The following PCDHA2 variants were observed in gnomAD, a reference collection of about 807,000 sequenced individuals.
The protein encoded by PCDHA2 is protocadherin alpha-2.
A neutral mutation model predicts 66.0 loss-of-function variants in PCDHA2; 58 were observed. That is an observed-to-expected ratio of 0.88 (90% confidence interval 0.71 to 1.09). PCDHA2 has a LOEUF of 1.09. PCDHA2 is among the 50% of genes least tolerant of loss of function. The pLI, the probability that PCDHA2 is intolerant of heterozygous loss-of-function variation, is 0.00. For synonymous variants in PCDHA2, 634 were observed against 554.0 expected, an observed-to-expected ratio of 1.14 and a Z score of -2.03; for missense variants, 1,267 against 1,242.3, an observed-to-expected ratio of 1.02 and a Z score of -0.30.
intron 1 of PCDHA2, among the ~76,000 whole-genome samples, chr5:140,833,023 G>A (rs1772255720): frequency 6.6e-6 from 1 of 152,184 alleles, no homozygotes; most frequent in Admixed American, 6.5e-5. Context: ...GTTCCCATAA[G>A]AGAGAGTGTG....
chr5:140,908,547 A>G (rs2074022083), intron 1 of PCDHA2, among the ~76,000 whole-genome samples: 1 of 152,152 alleles, frequency 6.6e-6, no homozygotes, highest in Non-Finnish European at 1.5e-5. Context: ...AAAGCCCAGT[A>G]ATAGGCCAAG....
At chr5:140,873,752 C>T (rs2054472285) in intron 1 of PCDHA2, among the ~76,000 whole-genome samples, 1 of 152,154 alleles carries the variant, frequency 6.6e-6, no homozygotes, top group Non-Finnish European at 1.5e-5. Flanking sequence ...TCTCCACCTC[C>T]CATGTTCAAG....
intron 1 of PCDHA2, among the ~76,000 whole-genome samples, chr5:140,970,662 C>T (rs575204326): frequency 6.6e-6 from 1 of 152,268 alleles, no homozygotes; most frequent in South Asian, 2.1e-4. Flanking sequence ...TGTTATCTTT[C>T]CAAATAACTA....
chr5:140,851,536 A>C (rs1051991921), intron 1 of PCDHA2: 1 of 906,438 alleles, frequency 1.1e-6, no homozygotes, highest in African/African-American at 1.8e-5. Context: ...GACAATGTAG[A>C]TAATTCAAGA....
At position 140,808,912 on chromosome 5, in the gene PCDHA2, C is replaced by T. The variant is rs538609667; in HGVS notation, c.2388+11560C>T. The T allele has an allele frequency of 9.9e-6, 16 of 1,613,494 alleles. No homozygotes were observed. The South Asian group carries it at 1.1e-4, about 11-fold the overall frequency. On this transcript the variant is annotated intron_variant, in intron 1 of 3. Coordinates refer to ENST00000526136, the MANE Select transcript of PCDHA2 (RefSeq NM_018905.3). ...CGCCTCGGGCGGGTGGCACTGGTGGCGCAGTGAGCGAGCTGGTGCCATGGT... is the reference window on the plus strand; with the variant it reads ...CGCCTCGGGCGGGTGGCACTGGTGGTGCAGTGAGCGAGCTGGTGCCATGGT...
At chr5:140,848,621 C>T (rs2150415318) in intron 1 of PCDHA2, 1 of 1,593,480 alleles carries the variant, frequency 6.3e-7, no homozygotes, top group Non-Finnish European at 8.6e-7. Context: ...CCGAACACGG[C>T]ACCTTCGTGG....
At position 140,953,880 on chromosome 5, in the gene PCDHA2, C is replaced by T. The variant is rs56350351; in HGVS notation, c.2389-25069C>T. On this transcript the variant is annotated intron_variant, in intron 1 of 3. Coordinates refer to ENST00000526136, the MANE Select transcript of PCDHA2 (RefSeq NM_018905.3). ...TGGTGGTTTGCTGCACAGATCAACCCATCACCTAGGTATTAAGCCCAGCAT... is the reference window on the plus strand; with the variant it reads ...TGGTGGTTTGCTGCACAGATCAACCTATCACCTAGGTATTAAGCCCAGCAT... Among the ~76,000 whole-genome samples, 609 of 152,246 alleles carry T rather than the reference C, an allele frequency of 4.0e-3. 7 individuals are homozygous for T. Among genetic ancestry groups the T allele is most frequent in the African/African-American group, 0.014 (577 of 41,548 alleles).
At chr5:140,843,518 C>T in intron 1 of PCDHA2, 2 of 1,595,646 alleles carry the variant, frequency 1.3e-6, no homozygotes, top group South Asian at 1.1e-5. Context: ...GGGCGGGTGC[C>T]GGGCGGGCAA....
intron 1 of PCDHA2, among the ~76,000 whole-genome samples, chr5:140,947,710 A>G (rs2094165762): frequency 6.6e-6 from 1 of 151,556 alleles, no homozygotes; most frequent in African/African-American, 2.4e-5. Context: ...TTAAGTATTG[A>G]GGTTTCAAAA....
At chr5:140,836,432 G>T in intron 1 of PCDHA2, 3 of 1,613,830 alleles carry the variant, frequency 1.9e-6, no homozygotes, top group South Asian at 1.1e-5. Flanking sequence ...CGCGGGCATC[G>T]TTGGGCATTG....
chr5:140,801,564 G>A, intron 1 of PCDHA2: 1 of 1,614,270 alleles, frequency 6.2e-7, no homozygotes, highest in Non-Finnish European at 8.5e-7. Flanking sequence ...GGAGGTGGAA[G>A]TGAAGGACAT....
intron 1 of PCDHA2, among the ~76,000 whole-genome samples, chr5:140,921,524 T>C (rs2080251541): frequency 6.6e-6 from 1 of 152,164 alleles, no homozygotes; most frequent in South Asian, 2.1e-4. Flanking sequence ...GAAATAAAAA[T>C]CTGCTGATAG....
At chr5:141,006,305 G>A (rs548520638) in intron 3 of PCDHA2, among the ~76,000 whole-genome samples, 25 of 151,934 alleles carry the variant, frequency 1.6e-4, no homozygotes, top group Admixed American at 5.2e-4. Context: ...TCCACTTCCC[G>A]GGTTCATGCC....
chr5:140,849,536 T>C lies in PCDHA2; in HGVS notation c.2388+52184T>C, dbSNP rs2150439955. On this transcript the variant is annotated intron_variant, in intron 1 of 3. Transcript: ENST00000526136. ...AAGTTGTGGATGTAAATGACAATGC[T>C]CCACAGTTGACTATCAAAACGCTCT... The C allele has an allele frequency of 1.9e-6, 3 of 1,597,980 alleles. 1 individual carries two copies. Among genetic ancestry groups the C allele is most frequent in the Non-Finnish European group, 2.6e-6 (3 of 1,167,716 alleles).
intron 1 of PCDHA2, chr5:140,862,531 C>T (rs782753899): frequency 4.6e-6 from 2 of 431,454 alleles, no homozygotes; most frequent in Non-Finnish European, 9.4e-6. Flanking sequence ...CCACAGCCAT[C>T]GGGTCCGTGG....
chr5:140,835,973 G>A lies in PCDHA2; in HGVS notation c.2388+38621G>A, dbSNP rs2150249299. On this transcript the variant is annotated intron_variant, in intron 1 of 3. Coordinates refer to ENST00000526136, the MANE Select transcript of PCDHA2 (RefSeq NM_018905.3). ...CGTTGGACCACGAGGAGCTGGAGCT[G>A]TTGCAGTTCCAGGTGAGCGCGCGCG... 16 of 1,613,272 alleles carry A rather than the reference G, an allele frequency of 9.9e-6. No homozygotes were observed. The African/African-American group carries it at 2.0e-4, about 20-fold the overall frequency.
intron 3 of PCDHA2, among the ~76,000 whole-genome samples, chr5:140,995,529 C>T (rs1191657600): frequency 6.6e-6 from 1 of 152,078 alleles, no homozygotes. Context: ...GAAATCAAAC[C>T]TCAAATAAGG....
chr5:140,870,707 G>A, intron 1 of PCDHA2: 1 of 1,613,076 alleles, frequency 6.2e-7, no homozygotes, highest in Non-Finnish European at 8.5e-7. Context: ...TTCCAGGTGA[G>A]CGCGCGCGAT....
At chr5:141,008,745 G>A (rs759690147) in intron 3 of PCDHA2, among the ~76,000 whole-genome samples, 5 of 152,200 alleles carry the variant, frequency 3.3e-5, no homozygotes, top group Non-Finnish European at 7.3e-5. Context: ...TGAGCACACT[G>A]AGGGAAGGAA....
Sources: gnomAD v4.1 joint callset for allele counts (sites outside exome capture counted in the v4.1 genomes callset) on GRCh38, gnomAD v4.1.1 for gene constraint, MANE v1.5 for transcripts, NCBI Gene and HGNC (gene_info 2026-07-23, HGNC 2026-07-21) for gene names.